The following USP53 variants were observed in gnomAD, a reference collection of about 807,000 sequenced individuals.
USP53 encodes the protein ubiquitin carboxyl-terminal hydrolase 53.
USP53 carries 71 observed loss-of-function variants against 94.9 expected under a neutral mutation model. The ratio of observed to expected loss-of-function variants is 0.75; its 90% CI spans 0.62 to 0.91. The LOEUF is 0.91. Ranked by LOEUF, USP53 falls within the 40% of genes least tolerant of loss-of-function variation. The probability of loss-of-function intolerance (pLI) is 0.00; values close to 1 mark genes in which losing one functional copy is unlikely to be tolerated. For synonymous variants in USP53, 375 were observed against 422.7 expected (o/e 0.89, Z 1.39); for missense variants, 1,173 against 1,281.0 (o/e 0.92, Z 1.29).
chr4:119,248,591 T>G (rs962103538), intron 6 of USP53, among the ~76,000 whole-genome samples, 157 bp from the exon 7 acceptor site: 3 of 152,228 alleles, frequency 2.0e-5, no homozygotes, highest in Non-Finnish European at 4.4e-5. Flanking sequence ...CTACACTTGA[T>G]GATACAAATA....
chr4:119,221,948 C>G (rs1744587480), intron 3 of USP53, among the ~76,000 whole-genome samples: 1 of 152,154 alleles, frequency 6.6e-6, no homozygotes, highest in African/African-American at 2.4e-5. Flanking sequence ...GCACCTTGTG[C>G]TTCTCTTTCC....
At chr4:119,240,078 A>C (rs1449928476) in intron 5 of USP53, among the ~76,000 whole-genome samples, 175 bp downstream of exon 5, 4 of 152,168 alleles carry the variant, frequency 2.6e-5, no homozygotes, top group Non-Finnish European at 5.9e-5. Context: ...TTTTATAATA[A>C]ATGAAAATGG....
intron 9 of USP53, among the ~76,000 whole-genome samples, chr4:119,259,194 T>C (rs1009428870): frequency 4.0e-5 from 6 of 149,212 alleles, no homozygotes; most frequent in Non-Finnish European, 5.9e-5. Flanking sequence ...GGCATGAGAA[T>C]CACTTTAACC....
At chr4:119,238,501 C>G (rs541748944) in intron 4 of USP53, among the ~76,000 whole-genome samples, 1 of 152,220 alleles carries the variant, frequency 6.6e-6, no homozygotes, top group South Asian at 2.1e-4. Context: ...TAACTTATCA[C>G]AGATCAGCAT....
chr4:119,243,112 GA>G (rs1448027935), intron 5 of USP53, among the ~76,000 whole-genome samples: 1 of 151,984 alleles, frequency 6.6e-6, no homozygotes, highest in Non-Finnish European at 1.5e-5. Context: ...TGCAAATAAC[GA>G]AAAAGTGTAT....
chr4:119,286,898 G>A (rs1310231046), intron 17 of USP53, among the ~76,000 whole-genome samples: 2 of 151,864 alleles, frequency 1.3e-5, no homozygotes, highest in African/African-American at 4.8e-5. Flanking sequence ...AGTGTGTCAG[G>A]CTTACCCACA....
At chr4:119,244,386 T>G (rs529978679) in intron 5 of USP53, among the ~76,000 whole-genome samples, 1 of 151,844 alleles carries the variant, frequency 6.6e-6, no homozygotes, top group African/African-American at 2.4e-5. Context: ...ATTAACTTTT[T>G]GTTTTTATTT....
At chr4:119,289,866 C>T (rs1259450434) in intron 17 of USP53, among the ~76,000 whole-genome samples, 3 of 152,142 alleles carry the variant, frequency 2.0e-5, no homozygotes, top group Admixed American at 6.5e-5. Context: ...TGTCTTAGTT[C>T]CCTTTTCTTC....
chr4:119,291,174 A>C lies in USP53; in HGVS notation c.2261A>C (p.Lys754Thr). The change falls in exon 18 of 19, where the codon AAA becomes ACA. Residue 754 changes from lysine (K) to threonine (T), a missense_variant. Lys to Thr is a moderately conservative substitution (Grantham distance 78). Transcript: ENST00000692078. Reference protein sequence around the residue: ...QSQHHLEGFRKELRNLEAGYK... With the variant: ...QSQHHLEGFRTELRNLEAGYK... ...CCCCACCCAACCCTAGGCTTTAGAA[A>C]AGAACTCAGGAATTTGGAAGCAGGC... 1 of 1,568,412 alleles carries C rather than the reference A, an allele frequency of 6.4e-7. No homozygotes were observed. The highest frequency in any genetic ancestry group is 8.6e-7 in the Non-Finnish European group (1 of 1,156,642).
intron 17 of USP53, among the ~76,000 whole-genome samples, chr4:119,282,566 T>C (rs1490746395): frequency 6.6e-6 from 1 of 152,112 alleles, no homozygotes; most frequent in Non-Finnish European, 1.5e-5. Flanking sequence ...TTTAAAGTTA[T>C]TTCTGATTTC....
chr4:119,229,760 C>G (rs1379891813), intron 3 of USP53, among the ~76,000 whole-genome samples: 2 of 152,126 alleles, frequency 1.3e-5, no homozygotes, highest in African/African-American at 2.4e-5. Flanking sequence ...TAATTTACCT[C>G]AAATTCATCT....
At chr4:119,272,255 G>A in intron 16 of USP53, 1 of 390,462 alleles carries the variant, frequency 2.6e-6, no homozygotes, top group Non-Finnish European at 4.4e-6. Context: ...ATTTTGAATA[G>A]TTATTTCCTG....
chr4:119,243,082 G>A (rs1346038794), intron 5 of USP53, among the ~76,000 whole-genome samples: 4 of 152,092 alleles, frequency 2.6e-5, no homozygotes, highest in Non-Finnish European at 5.9e-5. Flanking sequence ...ATTTTGTTAG[G>A]CACCATTTAA....
chr4:119,218,174 A>G (rs961859968), intron 3 of USP53: 9 of 152,268 alleles, frequency 5.9e-5, no homozygotes, highest in Admixed American at 3.9e-4. Flanking sequence ...ACATCAAGAT[A>G]TTTGTTCTCA....
rs531555717 is a variant in USP53 at position 119,248,380 on chromosome 4, C to T, written c.238-368C>T. On this transcript the variant is annotated intron_variant, in intron 6 of 18. Transcript: ENST00000692078. ...TTAGAGGCTGGTGCAAACATTTCTA[C>T]ACTTGATGATACAAATAATTAATTT... 2.4e-5 allele frequency among the ~76,000 whole-genome samples: 3 copies of T among 125,164 alleles called. No homozygotes were observed. The East Asian group carries it at 7.0e-4, about 29-fold the overall frequency. The allele number at this position is 125,164 out of a possible 152,430, so 82.1% of individuals were successfully genotyped here.
At chr4:119,263,218 A>G (rs910590787) in intron 12 of USP53, among the ~76,000 whole-genome samples, 6 of 152,388 alleles carry the variant, frequency 3.9e-5, no homozygotes, top group East Asian at 3.9e-4. Flanking sequence ...AAACTAGGAC[A>G]TAGGTGAAAC....
chr4:119,235,853 T>A (rs1259993678), intron 4 of USP53, among the ~76,000 whole-genome samples: 4 of 152,196 alleles, frequency 2.6e-5, no homozygotes, highest in African/African-American at 9.7e-5. Context: ...CATTATCCTA[T>A]CTAAAAGCAC....
rs899030489 is a variant in USP53, at chr4:119,279,690, C to G, written c.2251+5982C>G. On this transcript the variant is annotated intron_variant, in intron 17 of 18. Transcript: ENST00000692078. Reference sequence around the variant, plus strand: ...CAAGCCTGGGCAATGGCGGGCGCCCCTCCCCCAGCCTCGCTGTCGCCTTGC... The same window carrying G: ...CAAGCCTGGGCAATGGCGGGCGCCCGTCCCCCAGCCTCGCTGTCGCCTTGC... Among the ~76,000 whole-genome samples the G allele has an allele frequency of 1.3e-3, 193 of 152,270 alleles. 1 individual carries two copies. The highest frequency in any genetic ancestry group is 4.5e-3 in the African/African-American group (188 of 41,560).
intron 17 of USP53, among the ~76,000 whole-genome samples, chr4:119,280,895 G>T (rs896660620): frequency 6.6e-6 from 1 of 152,208 alleles, no homozygotes; most frequent in Non-Finnish European, 1.5e-5. Context: ...AGTGACACAT[G>T]CACTTCCACT....
Sources: allele counts gnomAD v4.1 joint callset (sites outside exome capture counted in the v4.1 genomes callset), GRCh38; gene constraint gnomAD v4.1.1; transcripts MANE v1.5; gene names NCBI Gene and HGNC (gene_info 2026-07-23, HGNC 2026-07-21).